Variants in TRIM27 observed in about 807,000 individuals in gnomAD.
The protein encoded by TRIM27 is zinc finger protein RFP.
In TRIM27, 12 loss-of-function variants were observed where a neutral mutation model predicts 57.6. That is an observed-to-expected ratio of 0.21 (90% CI 0.13 to 0.34). TRIM27 has a LOEUF of 0.34. Among genes scored for constraint, TRIM27 ranks in the 10% least tolerant of loss-of-function variants. TRIM27 has a pLI of 1.00. For synonymous variants in TRIM27, 266 were observed against 259.0 expected (o/e 1.03, Z -0.26); for missense variants, 403 against 656.8 (o/e 0.61, Z 4.22).
At chr6:28,921,760 G>T in intron 2 of TRIM27, 132 bp downstream of exon 2, 1 of 749,336 alleles carries the variant, frequency 1.3e-6, no homozygotes, top group Non-Finnish European at 2.3e-6. Flanking sequence ...AGTTCCCACT[G>T]CCATGTGCGG....
intron 1 of TRIM27, 111 bp from the exon 2 acceptor site, chr6:28,922,098 G>T: frequency 1.2e-6 from 1 of 820,984 alleles, no homozygotes. Flanking sequence ...TCTCCAGTTG[G>T]CGCTTGTCCT....
chr6:28,912,451 G>A (rs568792076), intron 3 of TRIM27, among the ~76,000 whole-genome samples: 365 of 151,636 alleles, frequency 2.4e-3, no homozygotes, highest in Non-Finnish European at 3.4e-3. Context: ...CTTGTCAGGC[G>A]CGGTGGCTCA....
At chr6:28,914,321 G>A (rs6906953) in intron 3 of TRIM27, among the ~76,000 whole-genome samples, 61,286 of 150,980 alleles carry the variant, frequency 0.41, 13,950 homozygotes, top group African/African-American at 0.6. Context: ...TTTTAATAGC[G>A]ACGGGGTTTT....
At position 28,904,596 on chromosome 6, in the gene TRIM27, C is replaced by T. The variant is rs771075640; in HGVS notation, c.1016G>A (p.Arg339Gln). 18 of 1,605,366 alleles carry T rather than the reference C, an allele frequency of 1.1e-5. No homozygotes were observed. Among genetic ancestry groups the T allele is most frequent in the Admixed American group, 1.7e-5 (1 of 59,970 alleles). ...LILSDNLRQV[R>Q]YSYLQQDLPD... ...CAGGTCCTGTTGGAGGTAACTGTAC[C>T]GCACTTGCCGCAGATTATCAGAGAG... is the stretch of plus-strand genomic sequence containing the variant. The change falls in exon 8 of 8, where the codon CGG becomes CAG. Residue 339 changes from arginine (R) to glutamine (Q), a missense_variant. Transcript: ENST00000377199. The surrounding 1 kb of genome is among the most constrained non-coding windows in gnomAD (Gnocchi z 6.1).
chr6:28,921,514 CAA>C (rs1435034271), intron 2 of TRIM27, among the ~76,000 whole-genome samples: 1 of 151,938 alleles, frequency 6.6e-6, no homozygotes, highest in African/African-American at 2.4e-5. Context: ...GAGAATAAGC[CAA>C]AGAGAAGCAA....
chr6:28,923,694 A>G lies in TRIM27; in HGVS notation c.-62T>C, dbSNP rs960425316. On this transcript the variant is annotated 5_prime_UTR_variant, in exon 1 of 8. Transcript: ENST00000377199. ...GGCGCCGAGCTCTGCACTGAGCCCA[A>G]CTCTCCGGCGCTCTCTCCGGTTCGC... The G allele has an allele frequency of 2.1e-6, 3 of 1,435,124 alleles. No homozygotes were observed. The highest frequency in any genetic ancestry group is 1.4e-5 in the African/African-American group (1 of 69,264). The allele number at this position is 1,435,124 out of a possible 1,614,324, so 88.9% of individuals were successfully genotyped here. A position where few individuals can be genotyped will look rare whatever the true frequency, so the allele number is the denominator to read the frequency against.
chr6:28,904,824 C>A lies in TRIM27; in HGVS notation c.947-159G>T. ...TCTAAACTTCACATTTCAAAAATTA[C>A]TGCTTGGATTAGCTGGTTACCAGAA... On this transcript the variant is annotated intron_variant, in intron 7 of 7. Coordinates refer to ENST00000377199, the MANE Select transcript of TRIM27 (RefSeq NM_006510.5). The surrounding 1 kb of genome is among the most constrained non-coding windows in gnomAD (Gnocchi z 6.1). 1.7e-6 allele frequency: 1 copy of A among 597,692 alleles called. No homozygotes were observed. Among genetic ancestry groups the A allele is most frequent in the African/African-American group, 1.8e-5 (1 of 54,212 alleles). 37.0% of individuals were successfully genotyped at this position (597,692 alleles called of 1,614,324 possible).
intron 3 of TRIM27, among the ~76,000 whole-genome samples, 198 bp downstream of exon 3, chr6:28,919,814 T>C (rs987391409): frequency 3.9e-5 from 6 of 152,222 alleles, no homozygotes; most frequent in African/African-American, 9.6e-5. Context: ...GACAACGCAA[T>C]TGACTAATTC....
At chr6:28,916,552 C>CAAA (rs141514492) in intron 3 of TRIM27, among the ~76,000 whole-genome samples, 1 of 125,180 alleles carries the variant, frequency 8.0e-6, no homozygotes. Context: ...AACTCTGCCT[C>CAAA]AAAAAAAAAA....
chr6:28,922,108 T>C (rs1774087991), intron 1 of TRIM27, 121 bp from the exon 2 acceptor site: 1 of 729,954 alleles, frequency 1.4e-6, no homozygotes. Flanking sequence ...GCGCTTGTCC[T>C]TAGGCCACAC....
intron 3 of TRIM27, among the ~76,000 whole-genome samples, chr6:28,914,325 G>A (rs1190249155): frequency 6.6e-6 from 1 of 151,490 alleles, no homozygotes; most frequent in Non-Finnish European, 1.5e-5. Context: ...AATAGCGACG[G>A]GGTTTTGCCA....
At chr6:28,921,655 G>C (rs945783665) in intron 2 of TRIM27, among the ~76,000 whole-genome samples, 1 of 152,206 alleles carries the variant, frequency 6.6e-6, no homozygotes, top group Non-Finnish European at 1.5e-5. Context: ...GCAGTTAGCA[G>C]GTTAAAGTAA....
At chr6:28,907,519 C>T in intron 6 of TRIM27, 1 of 682,494 alleles carries the variant, frequency 1.5e-6, no homozygotes, top group South Asian at 1.5e-5. Context: ...TGGGATAAAA[C>T]TGAGCCAAGA....
chr6:28,907,214 G>C (rs755597750), intron 7 of TRIM27, 22 bp downstream of exon 7: 1 of 1,604,186 alleles, frequency 6.2e-7, no homozygotes, highest in Non-Finnish European at 8.5e-7. Flanking sequence ...ACCCTAATAT[G>C]GTTTTGTCTC....
chr6:28,912,359 C>G (rs1773268508), intron 3 of TRIM27, among the ~76,000 whole-genome samples: 2 of 152,248 alleles, frequency 1.3e-5, no homozygotes, highest in African/African-American at 4.8e-5. Context: ...ATCCACCCAC[C>G]TCGGCCTCTC....
At chr6:28,913,346 TAC>T (rs1409267394) in intron 3 of TRIM27, among the ~76,000 whole-genome samples, 3 of 150,800 alleles carry the variant, frequency 2.0e-5, no homozygotes, top group African/African-American at 7.3e-5. Context: ...TTTTGTAAAC[TAC>T]AGTCACCCTA....
chr6:28,905,914 T>C (rs1004774395), intron 7 of TRIM27: 2 of 152,244 alleles, frequency 1.3e-5, no homozygotes, highest in Non-Finnish European at 2.9e-5. Context: ...TCAAGTGTTT[T>C]CCTGCTTCAA....
In TRIM27 at chr6:28,904,754, A is replaced by C; in HGVS notation, c.947-89T>G. On this transcript the variant is annotated intron_variant, in intron 7 of 7. Transcript: ENST00000377199. This position sits in a 1 kb window ranked among gnomAD's most constrained non-coding sequence, Gnocchi z 6.1. ...GCCTTTCTACTACCTCCCCAATAAT[A>C]AGAGGTTCCCACTGGAGGTTGCACG... 2 of 883,258 alleles carry C rather than the reference A, an allele frequency of 2.3e-6. No homozygotes were observed. The highest frequency in any genetic ancestry group is 3.4e-6 in the Non-Finnish European group (2 of 592,004). The allele number at this position is 883,258 out of a possible 1,614,324, so 54.7% of individuals were successfully genotyped here.
intron 3 of TRIM27, among the ~76,000 whole-genome samples, chr6:28,913,046 G>A (rs1157003773): frequency 6.6e-6 from 1 of 151,910 alleles, no homozygotes. Flanking sequence ...ACCTGAGGTC[G>A]GGAGTTTGGG....
Sources: allele counts gnomAD v4.1 joint callset (sites outside exome capture counted in the v4.1 genomes callset), GRCh38; gene constraint gnomAD v4.1.1; non-coding constraint Gnocchi (gnomAD v3.1); transcripts MANE v1.5; gene names NCBI Gene and HGNC (gene_info 2026-07-23, HGNC 2026-07-21).